GASK1A: variants seen among roughly 807,000 people sequenced by gnomAD.
GASK1A encodes the protein golgi associated kinase 1A.
GASK1A carries 40 observed loss-of-function variants against 41.2 expected under a neutral mutation model. That is an observed-to-expected ratio of 0.97 (90% confidence interval 0.75 to 1.27). The LOEUF (loss-of-function observed/expected upper bound fraction) is 1.27. Among genes scored for constraint, GASK1A ranks in the 50% most tolerant of loss-of-function variants. The pLI is 0.00. For synonymous variants in GASK1A, 316 were observed against 307.1 expected, an observed-to-expected ratio of 1.03 and a Z score of -0.30; for missense variants, 678 against 745.1, an observed-to-expected ratio of 0.91 and a Z score of 1.05.
intron 2 of GASK1A, among the ~76,000 whole-genome samples, chr3:43,049,615 G>A (rs951862664): frequency 2.0e-5 from 3 of 152,084 alleles, no homozygotes; most frequent in African/African-American, 7.2e-5. Flanking sequence ...TTTTTTACTA[G>A]AATCAGTGGA....
intron 1 of GASK1A, among the ~76,000 whole-genome samples, chr3:43,021,574 G>A (rs28655956): frequency 0.17 from 26,207 of 152,048 alleles, 2,412 homozygotes; most frequent in Non-Finnish European, 0.2. Context: ...AGAAAATCCC[G>A]GATCCCACCA....
At chr3:43,022,884 ATAT>A (rs2089529139) in intron 1 of GASK1A, among the ~76,000 whole-genome samples, 3 of 152,350 alleles carry the variant, frequency 2.0e-5, no homozygotes, top group South Asian at 4.1e-4. Context: ...ACATTGTGAA[ATAT>A]TATGCAGCAG....
At chr3:43,018,613 T>G (rs977241842) in intron 1 of GASK1A, among the ~76,000 whole-genome samples, 1 of 152,240 alleles carries the variant, frequency 6.6e-6, no homozygotes, top group African/African-American at 2.4e-5. Flanking sequence ...CTCATTGATA[T>G]TCTTCTATTT....
intron 1 of GASK1A, among the ~76,000 whole-genome samples, chr3:42,983,866 T>G (rs151247817): frequency 2.2e-4 from 33 of 152,194 alleles, no homozygotes; most frequent in African/African-American, 7.9e-4. Context: ...CAGAGGTTGA[T>G]CCAAAAAACA....
Position 43,008,837 on chromosome 3 carries a change from C to T in GASK1A, c.4-23430C>T, listed in dbSNP as rs72869059. On this transcript the variant is annotated intron_variant, in intron 1 of 4. Transcript: ENST00000430121. Reference sequence around the variant, plus strand: ...TATCAGTCCCTGAAACCTCTTCACACGCTTTCCTCTCAGTTATGGTTTGCC... The same window carrying T: ...TATCAGTCCCTGAAACCTCTTCACATGCTTTCCTCTCAGTTATGGTTTGCC... Among the ~76,000 whole-genome samples, 1,285 of 152,318 alleles carry T rather than the reference C, an allele frequency of 8.4e-3. 22 individuals carry two copies. The highest frequency in any genetic ancestry group is 0.028 in the African/African-American group (1,181 of 41,568).
intron 1 of GASK1A, among the ~76,000 whole-genome samples, chr3:43,008,514 C>G (rs1441918881): frequency 6.6e-6 from 1 of 152,234 alleles, no homozygotes; most frequent in Non-Finnish European, 1.5e-5. Flanking sequence ...GGCTTCCTAT[C>G]TGATAGACTC....
intron 1 of GASK1A, among the ~76,000 whole-genome samples, chr3:42,991,307 A>G (rs558367524): frequency 1.3e-5 from 2 of 152,182 alleles, no homozygotes; most frequent in South Asian, 4.2e-4. Context: ...CGCCTGGCCA[A>G]TCGGTCTTTT....
intron 1 of GASK1A, among the ~76,000 whole-genome samples, chr3:42,990,862 T>C (rs548921874): frequency 6.6e-6 from 1 of 152,304 alleles, no homozygotes; most frequent in Non-Finnish European, 1.5e-5. Context: ...TTGCCTGAGC[T>C]CTTGTGGCTG....
Position 43,033,522 on chromosome 3 carries a change from C to A in GASK1A, c.1259C>A (p.Ala420Glu). 6.5e-7 allele frequency: 1 copy of A among 1,544,896 alleles called. No individual in the cohort carries two copies. Reference protein sequence around the residue: ...PCPGIHHTEWARLALFDFLLQ... With the variant: ...PCPGIHHTEWERLALFDFLLQ... The stretch of plus-strand genomic sequence containing the variant: ...CCGGGCATCCACCATACCGAGTGGG[C>A]ACGCCTGGCGCTCTTCGACTTCCTG... The change falls in exon 2 of 5, where the codon GCA becomes GAA. Residue 420 changes from alanine (A) to glutamate (E), a missense_variant. Ala to Glu is a moderately radical substitution (Grantham distance 107). Coordinates refer to ENST00000430121, the MANE Select transcript of GASK1A (RefSeq NM_001129908.3).
rs912562234 is a variant in GASK1A at position 43,033,535 on chromosome 3, C to T, written c.1272C>T (p.Leu424=). Residue 424 remains leucine, a synonymous_variant, in exon 2 of 5, where the codon CTC becomes CTT. Transcript: ENST00000430121. The part of the protein sequence containing the change: ...IHHTEWARLA[L]FDFLLQVHDR... ...ATACCGAGTGGGCACGCCTGGCGCT[C>T]TTCGACTTCCTGTTGCAGGTAGGTG... is the stretch of plus-strand genomic sequence containing the variant. The T allele has an allele frequency of 3.9e-6, 6 of 1,533,190 alleles. No individual in the cohort carries two copies. In the African/African-American group the frequency reaches 6.9e-5, roughly 18 times the overall value. The allele number at this position is 1,533,190 out of a possible 1,614,324, so 95.0% of individuals were successfully genotyped here.
chr3:43,017,446 G>A, intron 1 of GASK1A, among the ~76,000 whole-genome samples: 1 of 150,836 alleles, frequency 6.6e-6, no homozygotes, highest in Non-Finnish European at 1.5e-5. Context: ...GAAGTCACAA[G>A]AAAGGGCTGT....
intron 1 of GASK1A, among the ~76,000 whole-genome samples, chr3:42,996,929 G>T (rs915771676): frequency 6.6e-6 from 1 of 152,234 alleles, no homozygotes; most frequent in East Asian, 1.9e-4. Context: ...GAGGCCATTT[G>T]TCTTTCTGAT....
At chr3:43,011,645 AG>A (rs2089464013) in intron 1 of GASK1A, among the ~76,000 whole-genome samples, 1 of 152,124 alleles carries the variant, frequency 6.6e-6, no homozygotes, top group South Asian at 2.1e-4. Context: ...GTGAAACAAT[AG>A]GAAGGGGCTG....
chr3:43,013,094 G>A (rs572970259), intron 1 of GASK1A, among the ~76,000 whole-genome samples: 7 of 151,066 alleles, frequency 4.6e-5, no homozygotes, highest in Non-Finnish European at 1.0e-4. Context: ...AAGGGGCAGT[G>A]GAAAGTCACA....
intron 2 of GASK1A, chr3:43,036,971 T>G (rs1250855377): frequency 1.5e-5 from 5 of 335,570 alleles, no homozygotes; most frequent in Admixed American, 1.3e-4. Flanking sequence ...GATGTGTTCT[T>G]TTAAGCCACT....
At chr3:43,017,538 G>A (rs528136061) in intron 1 of GASK1A, among the ~76,000 whole-genome samples, 1 of 143,690 alleles carries the variant, frequency 7.0e-6, no homozygotes, top group South Asian at 2.3e-4. Context: ...CCACAGGAAG[G>A]GGCAGTAGGA....
intron 1 of GASK1A, among the ~76,000 whole-genome samples, chr3:43,023,366 A>G (rs2089531059): frequency 6.6e-6 from 1 of 152,166 alleles, no homozygotes; most frequent in South Asian, 2.1e-4. Context: ...CTGATGTGGA[A>G]CTTCTGGCCT....
chr3:43,041,594 G>T (rs141247830), intron 2 of GASK1A, among the ~76,000 whole-genome samples: 1 of 152,292 alleles, frequency 6.6e-6, no homozygotes, highest in East Asian at 1.9e-4. Context: ...CCATAAGAAG[G>T]CTATTTCTTC....
Position 43,033,491 on chromosome 3 carries a change from C to T in GASK1A, c.1228C>T (p.Pro410Ser), listed in dbSNP as rs779704184. 77 of 1,550,298 alleles carry T rather than the reference C, an allele frequency of 5.0e-5. 1 individual carries two copies. In the South Asian group the frequency reaches 8.6e-4, roughly 17 times the overall value. Residue 410 changes from proline (P) to serine (S), a missense_variant, in exon 2 of 5, where the codon CCG (proline) becomes TCG (serine). Physicochemically the swap from Pro to Ser is moderately conservative, Grantham distance 74. Coordinates refer to ENST00000430121, the MANE Select transcript of GASK1A (RefSeq NM_001129908.3). ...CAGCTGCAACTGGCCAGGCCAGGCC[C>T]CGTGCCCGGGCATCCACCATACCGA... ...AHSCNWPGQA[P>S]CPGIHHTEWA...
Sources: gnomAD v4.1 joint callset for allele counts (sites outside exome capture counted in the v4.1 genomes callset) on GRCh38, gnomAD v4.1.1 for gene constraint, MANE v1.5 for transcripts, NCBI Gene and HGNC (gene_info 2026-07-23, HGNC 2026-07-21) for gene names.